The following AUTS2 variants were observed in gnomAD, a reference collection of about 807,000 sequenced individuals.
The protein encoded by AUTS2 is activator of transcription and developmental regulator AUTS2.
AUTS2 carries 17 observed loss-of-function variants against 112.4 expected under a neutral mutation model. The ratio of observed to expected loss-of-function variants is 0.15; its 90% CI spans 0.10 to 0.23. AUTS2 has a LOEUF of 0.23. AUTS2 is among the 10% of genes least tolerant of loss of function. AUTS2 has a pLI of 1.00. For synonymous variants in AUTS2, 751 were observed against 702.7 expected (o/e 1.07, Z -1.09); for missense variants, 1,510 against 1,701.6 (o/e 0.89, Z 1.98).
chr7:69,896,763 T>G (rs1161322517), intron 1 of AUTS2, among the ~76,000 whole-genome samples: 1 of 152,232 alleles, frequency 6.6e-6, no homozygotes, highest in Non-Finnish European at 1.5e-5. Flanking sequence ...GATGAACTAC[T>G]TAGTCCCTCC....
chr7:70,310,503 C>T (rs1789695196), intron 4 of AUTS2, among the ~76,000 whole-genome samples: 1 of 151,886 alleles, frequency 6.6e-6, no homozygotes, highest in South Asian at 2.1e-4. Flanking sequence ...GTCCCAGCTA[C>T]TTGGGAGGCT....
intron 5 of AUTS2, among the ~76,000 whole-genome samples, chr7:70,639,513 G>T (rs1412501431): frequency 6.6e-6 from 1 of 150,716 alleles, no homozygotes; most frequent in Non-Finnish European, 1.5e-5. Flanking sequence ...CTACTGGGGG[G>T]GTGGTGAGGC....
intron 4 of AUTS2, among the ~76,000 whole-genome samples, chr7:70,187,224 G>C (rs1809650115): frequency 6.6e-6 from 1 of 152,196 alleles, no homozygotes; most frequent in Admixed American, 6.5e-5. Context: ...GTAACTTTCT[G>C]ATCTTACCGT....
At chr7:70,445,925 C>T (rs747846326) in intron 5 of AUTS2, among the ~76,000 whole-genome samples, 2 of 152,192 alleles carry the variant, frequency 1.3e-5, no homozygotes, top group Non-Finnish European at 2.9e-5. Context: ...TCAGAAAGCA[C>T]AGGAAGAGCA....
intron 1 of AUTS2, among the ~76,000 whole-genome samples, chr7:69,695,483 A>G (rs996005248): frequency 6.6e-6 from 1 of 152,210 alleles, no homozygotes; most frequent in Non-Finnish European, 1.5e-5. Flanking sequence ...TGTTTGAAAA[A>G]TTGTAGTCAG....
At chr7:70,137,703 GAGATA>G (rs1230589261) in intron 4 of AUTS2, among the ~76,000 whole-genome samples, 1 of 152,048 alleles carries the variant, frequency 6.6e-6, no homozygotes, top group African/African-American at 2.4e-5. Context: ...AATATTAAAT[GAGATA>G]AGATATTTTA....
chr7:70,323,451 T>C (rs1034033564), intron 4 of AUTS2, among the ~76,000 whole-genome samples: 2 of 152,192 alleles, frequency 1.3e-5, no homozygotes, highest in African/African-American at 4.8e-5. Context: ...AAGATAGATG[T>C]AGAGTCAGGG....
intron 4 of AUTS2, among the ~76,000 whole-genome samples, chr7:70,258,481 T>C (rs1275677819): frequency 6.6e-6 from 1 of 152,206 alleles, no homozygotes. Flanking sequence ...GACCCTATCA[T>C]TTTCTTCTTT....
chr7:70,058,340 C>T lies in AUTS2; in HGVS notation c.523-59792C>T, dbSNP rs149345035. On this transcript the variant is annotated intron_variant, in intron 2 of 18. Transcript: ENST00000342771. ...GAAACAATTCATGGCCTCCTTTTATCGGTTGAGTAGCATTGAGGCCTCATA... is the reference window on the plus strand; with the variant it reads ...GAAACAATTCATGGCCTCCTTTTATTGGTTGAGTAGCATTGAGGCCTCATA... Among the ~76,000 whole-genome samples the T allele has an allele frequency of 6.6e-5, 10 of 152,180 alleles. No homozygotes were observed. The East Asian group carries it at 1.5e-3, about 24-fold the overall frequency.
intron 4 of AUTS2, among the ~76,000 whole-genome samples, chr7:70,316,706 C>T (rs1170345477): frequency 6.6e-6 from 1 of 151,988 alleles, no homozygotes; most frequent in African/African-American, 2.4e-5. Flanking sequence ...GCCTGGATCT[C>T]CATTCTTGAT....
Position 70,766,270 on chromosome 7 carries a change from C to G in AUTS2, c.1625C>G (p.Thr542Ser). The G allele has an allele frequency of 6.2e-7, 1 of 1,614,144 alleles. No homozygotes were observed. The highest frequency in any genetic ancestry group is 8.5e-7 in the Non-Finnish European group (1 of 1,180,018). ...ACCCACCAGCACACGCACCAGCACA[C>G]CTTCACGCCGTTCCCCCACGCCATC... The part of the protein sequence containing the change: ...QHTHQHTHQH[T>S]FTPFPHAIPP... The change falls in exon 9 of 19, where the codon ACC (threonine) becomes AGC (serine). Residue 542 changes from threonine to serine, a missense_variant. Physicochemically the swap from Thr to Ser is moderately conservative, Grantham distance 58. This residue lies in a region of AUTS2 where 187 missense variants were observed against 309.7 expected (regional missense o/e 0.60). Transcript: ENST00000342771. This position sits in a 1 kb window ranked among gnomAD's most constrained non-coding sequence, Gnocchi z 4.8.
intron 5 of AUTS2, among the ~76,000 whole-genome samples, chr7:70,471,829 G>A (rs1033697427): frequency 2.0e-5 from 3 of 152,060 alleles, no homozygotes; most frequent in African/African-American, 7.2e-5. Context: ...TGGGGTCAGC[G>A]GGTGGGGAGA....
chr7:70,178,446 T>C (rs1394661849), intron 4 of AUTS2, among the ~76,000 whole-genome samples: 1 of 152,188 alleles, frequency 6.6e-6, no homozygotes, highest in Non-Finnish European at 1.5e-5. Flanking sequence ...TTTTTGTTCC[T>C]GTTCCTGTTG....
chr7:69,761,588 T>C (rs1260969832), intron 1 of AUTS2, among the ~76,000 whole-genome samples: 1 of 152,118 alleles, frequency 6.6e-6, no homozygotes, highest in Non-Finnish European at 1.5e-5. Context: ...GAAGGTATAA[T>C]TGTTTACAGA....
chr7:70,256,174 T>TC (rs1584939529), intron 4 of AUTS2, among the ~76,000 whole-genome samples: 3 of 152,202 alleles, frequency 2.0e-5, no homozygotes, highest in African/African-American at 7.2e-5. Flanking sequence ...CTGATTACCT[T>TC]CATGGGGCCA....
intron 6 of AUTS2, among the ~76,000 whole-genome samples, chr7:70,712,032 C>CT (rs11480034): frequency 1.7e-4 from 26 of 148,866 alleles, no homozygotes; most frequent in African/African-American, 5.2e-4. Flanking sequence ...TTTTTCTTTC[C>CT]TTTTTTTTTT....
chr7:70,054,854 C>G (rs1020168005), intron 2 of AUTS2, among the ~76,000 whole-genome samples: 6 of 152,258 alleles, frequency 3.9e-5, no homozygotes, highest in African/African-American at 9.6e-5. Flanking sequence ...TCTAACTCCT[C>G]TCCAGTCTTT....
intron 2 of AUTS2, among the ~76,000 whole-genome samples, chr7:69,981,872 GA>G (rs745778359): frequency 3.9e-4 from 59 of 152,274 alleles, no homozygotes; most frequent in Non-Finnish European, 7.5e-4. Flanking sequence ...TACACACTTC[GA>G]GTTGGTAATT....
chr7:70,217,403 G>T (rs1811225388), intron 4 of AUTS2, among the ~76,000 whole-genome samples: 1 of 152,186 alleles, frequency 6.6e-6, no homozygotes, highest in Non-Finnish European at 1.5e-5. Context: ...AGCAGCTGAA[G>T]AGAGGAGAGA....
Sources: allele counts gnomAD v4.1 joint callset (sites outside exome capture counted in the v4.1 genomes callset), GRCh38; gene constraint gnomAD v4.1.1; regional missense constraint gnomAD v4.1.1; non-coding constraint Gnocchi (gnomAD v3.1); transcripts MANE v1.5; gene names NCBI Gene and HGNC (gene_info 2026-07-23, HGNC 2026-07-21).